HHAT: variants seen among roughly 807,000 people sequenced by gnomAD.
HHAT encodes protein-cysteine N-palmitoyltransferase HHAT.
A neutral mutation model predicts 70.8 loss-of-function variants in HHAT; 47 were observed. The ratio of observed to expected loss-of-function variants is 0.66; its 90% CI spans 0.53 to 0.85. HHAT has a LOEUF of 0.85. Among genes scored for constraint, HHAT ranks in the 40% least tolerant of loss-of-function variants. The pLI is 0.00. For missense variants in HHAT, 609 were observed against 604.8 expected, an observed-to-expected ratio of 1.01 and a Z score of -0.07; for synonymous variants, 228 against 247.6, an observed-to-expected ratio of 0.92 and a Z score of 0.74.
chr1:210,366,604 C>T (rs1462543206), intron 3 of HHAT, among the ~76,000 whole-genome samples: 2 of 152,168 alleles, frequency 1.3e-5, no homozygotes, highest in African/African-American at 2.4e-5. Context: ...GCCTGGGTGT[C>T]AGAGTGAGAC....
intron 9 of HHAT, among the ~76,000 whole-genome samples, chr1:210,566,378 G>A (rs985161924): frequency 6.6e-6 from 1 of 152,118 alleles, no homozygotes; most frequent in Non-Finnish European, 1.5e-5. Context: ...GGGCAGAAGA[G>A]GGTGGTTCCC....
At chr1:210,458,805 G>A (rs1465854685) in intron 7 of HHAT, among the ~76,000 whole-genome samples, 3 of 151,956 alleles carry the variant, frequency 2.0e-5, no homozygotes, top group African/African-American at 7.3e-5. Flanking sequence ...TGAGAGGAGG[G>A]TGATCAGCCA....
intron 1 of HHAT, among the ~76,000 whole-genome samples, chr1:210,340,338 A>G (rs1465473855): frequency 6.6e-6 from 1 of 151,790 alleles, no homozygotes; most frequent in Non-Finnish European, 1.5e-5. Context: ...GGAGAAAATC[A>G]TGTAATTTAG....
intron 10 of HHAT, among the ~76,000 whole-genome samples, chr1:210,596,369 T>C (rs1482247391): frequency 1.3e-5 from 2 of 152,204 alleles, no homozygotes; most frequent in African/African-American, 4.8e-5. Context: ...GTTCTCTAGT[T>C]TGGGGAAGTT....
chr1:210,576,613 A>C (rs1274131722), intron 9 of HHAT, among the ~76,000 whole-genome samples: 1 of 152,160 alleles, frequency 6.6e-6, no homozygotes, highest in East Asian at 1.9e-4. Flanking sequence ...GTATGTTTAC[A>C]TATGTAACAA....
At chr1:210,569,398 A>AAAAAAAAAAAAAAAAC (rs1307831080) in intron 9 of HHAT, among the ~76,000 whole-genome samples, 1 of 148,162 alleles carries the variant, frequency 6.7e-6, no homozygotes, top group Non-Finnish European at 1.5e-5. Flanking sequence ...AAAAAAAAAA[A>AAAAAAAAAAAAAAAAC]AGCGTATAGC....
At chr1:210,355,223 T>G (rs918590131) in intron 2 of HHAT, among the ~76,000 whole-genome samples, 1 of 152,246 alleles carries the variant, frequency 6.6e-6, no homozygotes, top group Non-Finnish European at 1.5e-5. Flanking sequence ...TTCCTTGTCC[T>G]TCTATTTAGA....
intron 2 of HHAT, among the ~76,000 whole-genome samples, chr1:210,352,150 T>C (rs1032422683): frequency 1.3e-5 from 2 of 152,208 alleles, no homozygotes; most frequent in Non-Finnish European, 2.9e-5. Context: ...GAGGGGTTCC[T>C]TTGCGGATAG....
intron 8 of HHAT, among the ~76,000 whole-genome samples, chr1:210,500,153 G>A (rs2094725801): frequency 3.3e-5 from 5 of 152,296 alleles, no homozygotes; most frequent in Middle Eastern, 3.4e-3. Context: ...TCTGAGAGGT[G>A]AAACTAGATC....
At chr1:210,403,683 A>G (rs181729005) in intron 5 of HHAT, among the ~76,000 whole-genome samples, 1 of 152,346 alleles carries the variant, frequency 6.6e-6, no homozygotes, top group Admixed American at 6.5e-5. Context: ...TATTTCTCGT[A>G]TGTATTTCCA....
intron 1 of HHAT, among the ~76,000 whole-genome samples, chr1:210,334,574 T>G (rs2085308781): frequency 6.6e-6 from 1 of 152,218 alleles, no homozygotes; most frequent in Non-Finnish European, 1.5e-5. Context: ...CTGGATTGTT[T>G]ATATAATCTA....
chr1:210,616,439 C>T (rs993717643), intron 10 of HHAT, among the ~76,000 whole-genome samples: 1 of 152,162 alleles, frequency 6.6e-6, no homozygotes, highest in Non-Finnish European at 1.5e-5. Context: ...TTTGCTAAAT[C>T]TCCTACTATA....
At chr1:210,668,034 A>G (rs1471443642) in intron 11 of HHAT, among the ~76,000 whole-genome samples, 1 of 151,922 alleles carries the variant, frequency 6.6e-6, no homozygotes, top group Non-Finnish European at 1.5e-5. Context: ...GAATTTGATT[A>G]CTCTACATAT....
intron 8 of HHAT, among the ~76,000 whole-genome samples, chr1:210,506,666 C>T (rs957111603): frequency 8.6e-5 from 13 of 151,974 alleles, no homozygotes; most frequent in African/African-American, 1.5e-4. Flanking sequence ...AGAAGAGAAC[C>T]CCTATTTTTA....
chr1:210,602,581 A>G (rs144179805), intron 10 of HHAT, among the ~76,000 whole-genome samples: 1 of 152,326 alleles, frequency 6.6e-6, no homozygotes, highest in East Asian at 1.9e-4. Flanking sequence ...TGGTTCCCAT[A>G]GAAAGGGATT....
chr1:210,562,234 C>T (rs1486304571), intron 9 of HHAT, among the ~76,000 whole-genome samples: 1 of 135,648 alleles, frequency 7.4e-6, no homozygotes, highest in Admixed American at 6.9e-5. Flanking sequence ...CAGCACAAAT[C>T]AAGCACTAAT....
In HHAT at chr1:210,622,195, T is replaced by C. The variant is rs193085006; in HGVS notation, c.1246-1331T>C. On this transcript the variant is annotated intron_variant, in intron 10 of 11. Coordinates refer to ENST00000261458, the MANE Select transcript of HHAT (RefSeq NM_018194.6). ...GCTGCTGTCATTGAGTCATTCCGAG[T>C]TCTGTTTGTAATTGGAACGCAGCTG... 7.9e-5 allele frequency among the ~76,000 whole-genome samples: 12 copies of C among 152,212 alleles called. No homozygotes were observed. In the East Asian group the frequency reaches 2.3e-3, roughly 29 times the overall value.
At chr1:210,502,973 T>TA (rs529737490) in intron 8 of HHAT, among the ~76,000 whole-genome samples, 2 of 43,142 alleles carry the variant, frequency 4.6e-5, no homozygotes, top group African/African-American at 1.7e-4. Context: ...ACTGAAGATA[T>TA]TTTTTTTTTT....
chr1:210,494,847 C>T (rs930815085), intron 8 of HHAT, among the ~76,000 whole-genome samples: 1 of 151,784 alleles, frequency 6.6e-6, no homozygotes, highest in African/African-American at 2.4e-5. Context: ...CCACTGTGCC[C>T]GGCGTGAAAT....
Sources: allele counts gnomAD v4.1 joint callset (sites outside exome capture counted in the v4.1 genomes callset), GRCh38; gene constraint gnomAD v4.1.1; transcripts MANE v1.5; gene names NCBI Gene and HGNC (gene_info 2026-07-23, HGNC 2026-07-21).